ADAM11: variants seen among roughly 807,000 people sequenced by gnomAD.
ADAM11 encodes disintegrin and metalloproteinase domain-containing protein 11.
In ADAM11, 49 loss-of-function variants were observed where a neutral mutation model predicts 119.1. The ratio of observed to expected loss-of-function variants is 0.41; its 90% CI spans 0.33 to 0.52. The LOEUF (loss-of-function observed/expected upper bound fraction) is 0.52. ADAM11 is among the 20% of genes least tolerant of loss of function. The pLI, the probability that ADAM11 is intolerant of heterozygous loss-of-function variation, is 0.20. For synonymous variants in ADAM11, 364 were observed against 408.0 expected, an observed-to-expected ratio of 0.89 and a Z score of 1.30; for missense variants, 777 against 1,047.5, an observed-to-expected ratio of 0.74 and a Z score of 3.56.
chr17:44,759,198 C>A lies in ADAM11; in HGVS notation c.-2C>A, dbSNP rs2049358211. 2.1e-6 allele frequency: 3 copies of A among 1,411,140 alleles called. No individual in the cohort carries two copies. Among genetic ancestry groups the A allele is most frequent in the Non-Finnish European group, 1.8e-6 (2 of 1,082,180 alleles). 87.4% of individuals were successfully genotyped at this position (1,411,140 alleles called of 1,614,324 possible). Reference sequence around the variant, plus strand: ...CCCCGGACCGGGAGGAATGAGCGAGCCATGAGGCTGCTGCGGCGCTGGGCG... The same window carrying A: ...CCCCGGACCGGGAGGAATGAGCGAGACATGAGGCTGCTGCGGCGCTGGGCG... On this transcript the variant is annotated 5_prime_UTR_variant, in exon 1 of 27. Coordinates refer to ENST00000200557, the MANE Select transcript of ADAM11 (RefSeq NM_002390.6).
Position 44,778,713 on chromosome 17 carries a change from A to AAAAAAAAAAAAG in ADAM11, c.2276+471_2276+472insAAAAAAAAAAAG, listed in dbSNP as rs71136047. On this transcript the variant is annotated intron_variant, in intron 25 of 26. Transcript: ENST00000200557. ...CAAAAAAAAAAAAAAAAAAAAAAAA[A>AAAAAAAAAAAAG]GAAAGAAAGAGAGAAAGAAAAGAAA... is the stretch of plus-strand genomic sequence containing the variant. 9.2e-4 allele frequency among the ~76,000 whole-genome samples: 74 copies of AAAAAAAAAAAAG among 80,470 alleles called. 9 individuals carry two copies. The highest frequency in any genetic ancestry group is 1.5e-3 in the East Asian group (4 of 2,728). 52.8% of individuals were successfully genotyped at this position (80,470 alleles called of 152,430 possible).
chr17:44,777,014 A>C lies in ADAM11; in HGVS notation c.1681+52A>C. 6.3e-7 allele frequency: 1 copy of C among 1,586,806 alleles called. No individual in the cohort carries two copies. Among genetic ancestry groups the C allele is most frequent in the Non-Finnish European group, 8.6e-7 (1 of 1,161,234 alleles). On this transcript the variant is annotated intron_variant, in intron 20 of 26. Transcript: ENST00000200557. This position sits in a 1 kb window ranked among gnomAD's most constrained non-coding sequence, Gnocchi z 5.1. ...GGACTCCGGAGGACCCAGAGCTGAGAAGCTGGGGAGAGTGGGTTCCAGCTG... is the reference window on the plus strand; with the variant it reads ...GGACTCCGGAGGACCCAGAGCTGAGCAGCTGGGGAGAGTGGGTTCCAGCTG...
chr17:44,760,050 T>C (rs1053095513), intron 2 of ADAM11, among the ~76,000 whole-genome samples, 153 bp downstream of exon 2: 3 of 152,082 alleles, frequency 2.0e-5, no homozygotes, highest in Admixed American at 2.0e-4. Flanking sequence ...TGGAGCCCAC[T>C]GGTGGGGAGC....
chr17:44,776,259 C>T lies in ADAM11; in HGVS notation c.1566+52C>T. The T allele has an allele frequency of 6.2e-7, 1 of 1,600,124 alleles. No homozygotes were observed. Among genetic ancestry groups the T allele is most frequent in the Non-Finnish European group, 8.5e-7 (1 of 1,169,632 alleles). Reference sequence around the variant, plus strand: ...AGCCCTGGGCGAGGCAACCCCTACCCTTGTCGATTTGGTTTTCCCGGACGA... The same window carrying T: ...AGCCCTGGGCGAGGCAACCCCTACCTTTGTCGATTTGGTTTTCCCGGACGA... On this transcript the variant is annotated intron_variant, in intron 18 of 26. Coordinates refer to ENST00000200557, the MANE Select transcript of ADAM11 (RefSeq NM_002390.6). The surrounding 1 kb of genome is among the most constrained non-coding windows in gnomAD (Gnocchi z 5.2).
chr17:44,759,559 C>T, intron 1 of ADAM11, 163 bp from the exon 2 acceptor site: 1 of 1,268,282 alleles, frequency 7.9e-7, no homozygotes, highest in Non-Finnish European at 9.9e-7. Context: ...TGGCCCCCTC[C>T]CCGCGGGCTC....
rs1026238765 is a variant in ADAM11 at position 44,772,570 on chromosome 17, G to A, written c.678+104G>A. The A allele has an allele frequency of 1.5e-5, 21 of 1,397,122 alleles. No individual in the cohort carries two copies. Among genetic ancestry groups the A allele is most frequent in the African/African-American group, 5.8e-5 (4 of 69,420 alleles). The allele number at this position is 1,397,122 out of a possible 1,614,324, so 86.5% of individuals were successfully genotyped here. A position where few individuals can be genotyped will look rare whatever the true frequency, so the allele number is the denominator to read the frequency against. Reference sequence around the variant, plus strand: ...GGGCACCCTCATCTATGGCTGGGGCGAAGGAAGGCTCAGATGGATGTGGCT... The same window carrying A: ...GGGCACCCTCATCTATGGCTGGGGCAAAGGAAGGCTCAGATGGATGTGGCT... On this transcript the variant is annotated intron_variant, in intron 8 of 26. Coordinates refer to ENST00000200557, the MANE Select transcript of ADAM11 (RefSeq NM_002390.6). The surrounding 1 kb of genome is among the most constrained non-coding windows in gnomAD (Gnocchi z 4.5).
intron 2 of ADAM11, 80 bp from the exon 3 acceptor site, chr17:44,769,638 A>G: frequency 2.4e-6 from 2 of 850,944 alleles, no homozygotes; most frequent in South Asian, 1.5e-5. Flanking sequence ...CCCCAGGGCT[A>G]CTGTTGCTCC....
At position 44,772,470 on chromosome 17, in the gene ADAM11, C is replaced by A. The variant is rs778368570; in HGVS notation, c.678+4C>A. 1.3e-6 allele frequency: 2 copies of A among 1,564,220 alleles called. No individual in the cohort carries two copies. Among genetic ancestry groups the A allele is most frequent in the Non-Finnish European group, 1.7e-6 (2 of 1,154,854 alleles). The stretch of plus-strand genomic sequence containing the variant: ...GAGGCTGAGAAGGAAAAGGCAGGTA[C>A]GGGGGCCCGCACAGACCTCGGGCTG... On this transcript the variant is annotated splice_donor_region_variant and intron_variant, in intron 8 of 26. Coordinates refer to ENST00000200557, the MANE Select transcript of ADAM11 (RefSeq NM_002390.6). This position sits in a 1 kb window ranked among gnomAD's most constrained non-coding sequence, Gnocchi z 4.5.
rs757994116 is a variant in ADAM11, at chr17:44,775,328, G to T, written c.1320+17G>T. 1 of 1,613,612 alleles carries T rather than the reference G, an allele frequency of 6.2e-7. No homozygotes were observed. ...CCCCTCAAGGTACCAGCCCCGCGGC[G>T]GGGAGCATGGGAGCGGGCCCTGGGC... On this transcript the variant is annotated intron_variant, in intron 15 of 26. Coordinates refer to ENST00000200557, the MANE Select transcript of ADAM11 (RefSeq NM_002390.6). This position sits in a 1 kb window ranked among gnomAD's most constrained non-coding sequence, Gnocchi z 7.5.
At chr17:44,761,818 T>C (rs2049392670) in intron 2 of ADAM11, among the ~76,000 whole-genome samples, 3 of 147,558 alleles carry the variant, frequency 2.0e-5, no homozygotes, top group Admixed American at 6.8e-5. Flanking sequence ...GGCTTGTAAC[T>C]TTTGTGTGTT....
At chr17:44,759,511 G>T (rs373300011) in intron 1 of ADAM11, 2 of 1,242,888 alleles carry the variant, frequency 1.6e-6, no homozygotes, top group African/African-American at 1.6e-5. Flanking sequence ...TGGGCGGATG[G>T]GGGGGCAGTC....
At position 44,775,241 on chromosome 17, in the gene ADAM11, GT is replaced by G; in HGVS notation, c.1251del (p.Cys417Ter). On this transcript the variant is annotated frameshift_variant, in exon 15 of 27. Coordinates refer to ENST00000200557, the MANE Select transcript of ADAM11 (RefSeq NM_002390.6). LOFTEE classifies it high-confidence loss of function. The surrounding 1 kb of genome is among the most constrained non-coding windows in gnomAD (Gnocchi z 7.5). The part of the protein sequence containing the change: ...GFYLPRKFSR[C>X]SIDEYNQFLQ... ...TACCTGCCCCGCAAGTTCTCGCGCT[GT>G]AGCATCGACGAGTACAACCAGTTTC... is the stretch of plus-strand genomic sequence containing the variant. 6.2e-7 allele frequency: 1 copy of G among 1,613,850 alleles called. No individual in the cohort carries two copies. Among genetic ancestry groups the G allele is most frequent in the Non-Finnish European group, 8.5e-7 (1 of 1,179,980 alleles).
chr17:44,769,627 T>A (rs575265860), intron 2 of ADAM11, 91 bp from the exon 3 acceptor site: 6 of 710,124 alleles, frequency 8.4e-6, no homozygotes, highest in South Asian at 1.9e-5. Context: ...GGCCACCCCT[T>A]CCCCAGGGCT....
chr17:44,770,127 G>T, intron 4 of ADAM11, 79 bp downstream of exon 4: 1 of 1,529,364 alleles, frequency 6.5e-7, no homozygotes. Context: ...ACAGGTGTAG[G>T]GACAGGTGGC....
At chr17:44,769,690 A>T (rs369197049) in intron 2 of ADAM11, 28 bp from the exon 3 acceptor site, 1 of 1,512,250 alleles carries the variant, frequency 6.6e-7, no homozygotes, top group Non-Finnish European at 9.2e-7. Flanking sequence ...CCCTGGGTTG[A>T]CTCCCCCTCT....
At chr17:44,779,615 C>T (rs1033325606) in intron 26 of ADAM11, 124 bp from the exon 27 acceptor site, 3 of 1,492,326 alleles carry the variant, frequency 2.0e-6, no homozygotes, top group East Asian at 2.4e-5. Flanking sequence ...CAGATCCCTT[C>T]CCTGGCCAGC....
chr17:44,771,913 T>A, intron 6 of ADAM11, 82 bp downstream of exon 6: 2 of 1,456,910 alleles, frequency 1.4e-6, no homozygotes, highest in South Asian at 2.5e-5. Context: ...CACCTCTTCC[T>A]CCTCCGGCTC....
rs12937714 is a variant in ADAM11 at position 44,773,883 on chromosome 17, G to A, written c.993-412G>A. On this transcript the variant is annotated intron_variant, in intron 11 of 26. Transcript: ENST00000200557. The surrounding 1 kb of genome is among the most constrained non-coding windows in gnomAD (Gnocchi z 4.6). ...GGCCAAGGCGGGTAGATCATTTCAGGTTACGAGTTTAAGACCAGCCTGGCC... is the reference window on the plus strand; with the variant it reads ...GGCCAAGGCGGGTAGATCATTTCAGATTACGAGTTTAAGACCAGCCTGGCC... Among the ~76,000 whole-genome samples the A allele has an allele frequency of 2.6e-5, 4 of 151,886 alleles. No homozygotes were observed. Among genetic ancestry groups the A allele is most frequent in the Admixed American group, 6.6e-5 (1 of 15,264 alleles).
rs2049561998 is a variant in ADAM11, at chr17:44,773,869, G to A, written c.993-426G>A. 6.6e-6 allele frequency among the ~76,000 whole-genome samples: 1 copy of A among 152,108 alleles called. No individual in the cohort carries two copies. Among genetic ancestry groups the A allele is most frequent in the Non-Finnish European group, 1.5e-5 (1 of 68,026 alleles). On this transcript the variant is annotated intron_variant, in intron 11 of 26. Coordinates refer to ENST00000200557, the MANE Select transcript of ADAM11 (RefSeq NM_002390.6). This position sits in a 1 kb window ranked among gnomAD's most constrained non-coding sequence, Gnocchi z 4.6. ...TCAGCACTTTGGGAGGCCAAGGCGGGTAGATCATTTCAGGTTACGAGTTTA... is the reference window on the plus strand; with the variant it reads ...TCAGCACTTTGGGAGGCCAAGGCGGATAGATCATTTCAGGTTACGAGTTTA...
Sources: gnomAD v4.1 joint callset for allele counts (sites outside exome capture counted in the v4.1 genomes callset) on GRCh38, gnomAD v4.1.1 for gene constraint, Gnocchi (gnomAD v3.1) non-coding constraint, MANE v1.5 for transcripts, NCBI Gene and HGNC (gene_info 2026-07-23, HGNC 2026-07-21) for gene names.